KLRG1: variants seen among roughly 807,000 people sequenced by gnomAD.
KLRG1 encodes the protein killer cell lectin-like receptor subfamily G member 1.
KLRG1 carries 16 observed loss-of-function variants against 21.8 expected under a neutral mutation model. That is an observed-to-expected ratio of 0.73 (90% CI 0.50 to 1.11). KLRG1 has a LOEUF of 1.11. KLRG1 is among the 50% of genes most tolerant of loss of function. The pLI is 0.00. For synonymous variants in KLRG1, 69 were observed against 75.9 expected (o/e 0.91, Z 0.47); for missense variants, 173 against 218.3 (o/e 0.79, Z 1.31).
intron 3 of KLRG1, 60 bp downstream of exon 3, chr12:8,995,348 A>T: frequency 7.0e-7 from 1 of 1,428,806 alleles, no homozygotes; most frequent in Non-Finnish European, 9.6e-7. Context: ...TTGTTTTTAA[A>T]CTGCTATTTA....
chr12:9,174,846 C>A, the KLRG1 span, among the ~76,000 whole-genome samples: 1 of 152,092 alleles, frequency 6.6e-6, no homozygotes, highest in Non-Finnish European at 1.5e-5. Context: ...TCCATCCTCA[C>A]GCATAAGAAG....
chr12:9,027,894 G>T, the KLRG1 span: 1 of 885,092 alleles, frequency 1.1e-6, no homozygotes, highest in Non-Finnish European at 1.9e-6. Flanking sequence ...AAAGTTTCCA[G>T]AACCATTTCG....
the KLRG1 span, chr12:9,107,427 A>C: frequency 7.0e-7 from 1 of 1,431,240 alleles, no homozygotes; most frequent in Non-Finnish European, 9.5e-7. Flanking sequence ...ATTCTCTTCT[A>C]GATTGTTCTC....
the KLRG1 span, among the ~76,000 whole-genome samples, chr12:9,159,392 TA>T: frequency 6.6e-6 from 1 of 152,192 alleles, no homozygotes; most frequent in Non-Finnish European, 1.5e-5. Flanking sequence ...AGGGTAGCTA[TA>T]AGAATTAAAT....
chr12:9,138,591 A>G, the KLRG1 span, among the ~76,000 whole-genome samples: 2 of 151,960 alleles, frequency 1.3e-5, no homozygotes, highest in African/African-American at 4.8e-5. Context: ...TTTTAAAAAA[A>G]TGTGTATTAG....
At chr12:9,012,494 A>G (rs1468300538), downstream of KLRG1, among the ~76,000 whole-genome samples, 3 of 152,058 alleles carry the variant, frequency 2.0e-5, no homozygotes, top group Non-Finnish European at 4.4e-5. Context: ...AGTGTTTGCC[A>G]TAGGTATTGG....
the KLRG1 span, among the ~76,000 whole-genome samples, chr12:9,105,858 G>A: frequency 1.3e-5 from 2 of 152,176 alleles, no homozygotes; most frequent in Non-Finnish European, 2.9e-5. Context: ...TGTTAGCATC[G>A]TAATGAAACT....
chr12:9,052,417 C>T, the KLRG1 span, among the ~76,000 whole-genome samples: 20 of 152,236 alleles, frequency 1.3e-4, no homozygotes, highest in African/African-American at 4.8e-4. Context: ...ACCAGTGCCA[C>T]ATGCCTCACA....
chr12:9,135,534 C>A, the KLRG1 span: 2 of 350,716 alleles, frequency 5.7e-6, no homozygotes, highest in South Asian at 2.9e-5. Context: ...ACTGTAAGGA[C>A]GAATTTCTCT....
the KLRG1 span, among the ~76,000 whole-genome samples, chr12:9,188,355 T>C: frequency 2.0e-5 from 3 of 152,222 alleles, no homozygotes; most frequent in Admixed American, 2.0e-4. Flanking sequence ...ATAAACTAGA[T>C]ATTGAAAGAA....
At chr12:9,050,456 G>T in the KLRG1 span, among the ~76,000 whole-genome samples, 2 of 152,178 alleles carry the variant, frequency 1.3e-5, no homozygotes, top group African/African-American at 4.8e-5. Flanking sequence ...TCTGAGTTGG[G>T]GTGGGGGCTC....
the KLRG1 span, among the ~76,000 whole-genome samples, chr12:9,199,655 A>T: frequency 4.6e-5 from 7 of 152,130 alleles, no homozygotes; most frequent in Non-Finnish European, 7.4e-5. Flanking sequence ...AAATGTCATT[A>T]AAAAAAGGAG....
At chr12:9,071,779 T>A in the KLRG1 span, among the ~76,000 whole-genome samples, 5 of 152,368 alleles carry the variant, frequency 3.3e-5, no homozygotes, top group Non-Finnish European at 1.5e-5. Context: ...GATCTCATTC[T>A]TTTTGATGTG....
upstream of KLRG1, among the ~76,000 whole-genome samples, chr12:8,985,043 A>G (rs932973202): frequency 4.6e-5 from 7 of 152,196 alleles, no homozygotes; most frequent in African/African-American, 1.7e-4. Flanking sequence ...GAATATTGCT[A>G]CATTGTTTGA....
At chr12:8,977,385 TTTTTA>T (rs1565540766) in intron 1 of KLRG1, among the ~76,000 whole-genome samples, 2 of 148,904 alleles carry the variant, frequency 1.3e-5, no homozygotes, top group Admixed American at 1.3e-4. Flanking sequence ...TTTTTTTTTT[TTTTTA>T]TTTGTAGTAG....
chr12:9,195,105 C>T, the KLRG1 span, among the ~76,000 whole-genome samples: 1 of 151,446 alleles, frequency 6.6e-6, no homozygotes, highest in Non-Finnish European at 1.5e-5. Context: ...GAATTTTTAG[C>T]AAAAAAAGGA....
the KLRG1 span, chr12:9,160,350 C>G: frequency 6.2e-7 from 1 of 1,614,136 alleles, no homozygotes; most frequent in South Asian, 1.1e-5. Flanking sequence ...GCCTTGATCT[C>G]CTGCGTCAGC....
At chr12:8,958,012 AT>A (rs142967707) in intron 1 of KLRG1, among the ~76,000 whole-genome samples, 3,714 of 152,166 alleles carry the variant, frequency 0.024, 68 homozygotes, top group Non-Finnish European at 0.038. Flanking sequence ...TTTGGGTTCT[AT>A]CTGTATTTTC....
chr12:9,086,767 A>G, the KLRG1 span, among the ~76,000 whole-genome samples: 1 of 152,378 alleles, frequency 6.6e-6, no homozygotes, highest in South Asian at 2.1e-4. Flanking sequence ...TTTTCAAAGT[A>G]GCACTGGAAG....
Sources: allele counts gnomAD v4.1 joint callset (sites outside exome capture counted in the v4.1 genomes callset), GRCh38; gene constraint gnomAD v4.1.1; transcripts MANE v1.5; gene names NCBI Gene and HGNC (gene_info 2026-07-23, HGNC 2026-07-21).